Variants in PCMTD1 observed in about 807,000 individuals in gnomAD.
PCMTD1 encodes protein-L-isoaspartate O-methyltransferase domain-containing protein 1.
Under a neutral mutation model 37.6 loss-of-function variants are expected in PCMTD1, and 12 were observed. The ratio of observed to expected loss-of-function variants is 0.32; its 90% CI spans 0.20 to 0.52. The LOEUF (loss-of-function observed/expected upper bound fraction) is 0.52, where lower values mean the gene tolerates loss of function less well. Ranked by LOEUF, PCMTD1 falls within the 20% of genes least tolerant of loss-of-function variation. The pLI, the probability that PCMTD1 is intolerant of heterozygous loss-of-function variation, is 0.97. For synonymous variants in PCMTD1, 117 were observed against 135.8 expected, an observed-to-expected ratio of 0.86 and a Z score of 0.96; for missense variants, 235 against 421.3, an observed-to-expected ratio of 0.56 and a Z score of 3.87.
intron 2 of PCMTD1, among the ~76,000 whole-genome samples, chr8:51,854,037 G>C (rs35098517): frequency 0.06 from 9,199 of 152,196 alleles, 375 homozygotes; most frequent in Non-Finnish European, 0.087. Context: ...GGCTGTATTT[G>C]CTACATAGAC....
intron 2 of PCMTD1, among the ~76,000 whole-genome samples, chr8:51,857,957 G>T (rs186844254): frequency 1.3e-5 from 2 of 152,102 alleles, no homozygotes; most frequent in East Asian, 1.9e-4. Flanking sequence ...GTGTCACCAC[G>T]CTCCAGCCTA....
At chr8:51,839,898 A>C (rs1427425277) in intron 3 of PCMTD1, among the ~76,000 whole-genome samples, 2 of 152,218 alleles carry the variant, frequency 1.3e-5, no homozygotes, top group African/African-American at 4.8e-5. Context: ...GAGTTTTAAG[A>C]GCCATGACTG....
chr8:51,875,410 G>A (rs1301350192), intron 1 of PCMTD1, among the ~76,000 whole-genome samples: 2 of 152,102 alleles, frequency 1.3e-5, no homozygotes, highest in South Asian at 2.1e-4. Context: ...GGTAAGTCAC[G>A]ACACTCAACA....
intron 1 of PCMTD1, among the ~76,000 whole-genome samples, chr8:51,864,250 AAATATATAAAGCAAATACT>A (rs1281726034): frequency 4.6e-5 from 7 of 152,202 alleles, no homozygotes; most frequent in Non-Finnish European, 8.8e-5. Flanking sequence ...TGGAGCACCT[AAATATATAAAGCAAATACT>A]AATAGATCTG....
Position 51,859,583 on chromosome 8 carries a change from C to T in PCMTD1, c.307+1262G>A, listed in dbSNP as rs1404600748. Among the ~76,000 whole-genome samples, 4 of 152,264 alleles carry T rather than the reference C, an allele frequency of 2.6e-5. No individual in the cohort carries two copies. The East Asian group carries it at 5.8e-4, about 22-fold the overall frequency. ...CATGACTAATAGAGTAAGGAATTAG[C>T]TAGTGTGTAGGGAGGAAATTTCAGA... On this transcript the variant is annotated intron_variant, in intron 2 of 5. Coordinates refer to ENST00000522514, the MANE Select transcript of PCMTD1 (RefSeq NM_052937.4).
At chr8:51,894,206 T>C (rs2038971218) in intron 1 of PCMTD1, among the ~76,000 whole-genome samples, 1 of 152,100 alleles carries the variant, frequency 6.6e-6, no homozygotes, top group Non-Finnish European at 1.5e-5. Context: ...TGGAAATGCA[T>C]AAGAAATCAA....
At chr8:51,826,461 G>A (rs2037922734) in intron 5 of PCMTD1, among the ~76,000 whole-genome samples, 2 of 152,072 alleles carry the variant, frequency 1.3e-5, no homozygotes, top group South Asian at 4.2e-4. Context: ...CATGGCACAT[G>A]TATACCTATG....
In PCMTD1 at chr8:51,833,644, C is replaced by G. The variant is rs772625227; in HGVS notation, c.456G>C (p.Gln152His). The change falls in exon 4 of 6, where the codon CAG (glutamine) becomes CAC (histidine). Residue 152 changes from glutamine (Q) to histidine (H), a missense_variant. By Grantham distance (24) the Gln-to-His change is conservative. Around this residue, in one of 3 missense-constraint regions of PCMTD1, gnomAD observed 183 missense variants for 349.3 expected, o/e 0.52. Transcript: ENST00000522514. ...EPAFVVGNCL[Q>H]IASDSHQYDR... The stretch of plus-strand genomic sequence containing the variant: ...CATACTGATGACTGTCAGAAGCTAT[C>G]TGGAGGCAATTACCAACAACAAATG... The G allele has an allele frequency of 6.2e-7, 1 of 1,611,790 alleles. No homozygotes were observed. The highest frequency in any genetic ancestry group is 8.5e-7 in the Non-Finnish European group (1 of 1,179,580).
At chr8:51,862,086 T>C (rs1047748510) in intron 1 of PCMTD1, among the ~76,000 whole-genome samples, 2 of 152,302 alleles carry the variant, frequency 1.3e-5, no homozygotes, top group East Asian at 1.9e-4. Flanking sequence ...CAGTATAGTA[T>C]AGATTAATTT....
In PCMTD1 at chr8:51,825,466, G is replaced by A. The variant is rs1257982818; in HGVS notation, c.707-4748C>T. 4.5e-4 allele frequency among the ~76,000 whole-genome samples: 20 copies of A among 44,694 alleles called. 9 individuals are homozygous for A. Among genetic ancestry groups the A allele is most frequent in the Non-Finnish European group, 1.6e-3 (10 of 6,294 alleles). The allele number at this position is 44,694 out of a possible 152,430, so 29.3% of individuals were successfully genotyped here. Reference sequence around the variant, plus strand: ...TCCCAGCACTTTGGGAGGCCGAGGCGGGTGGATCATGAGGTCAGGAGATCG... The same window carrying A: ...TCCCAGCACTTTGGGAGGCCGAGGCAGGTGGATCATGAGGTCAGGAGATCG... On this transcript the variant is annotated intron_variant, in intron 5 of 5. Transcript: ENST00000522514.
In PCMTD1 at chr8:51,831,373, C is replaced by T; in HGVS notation, c.706+71G>A. 1.8e-5 allele frequency: 26 copies of T among 1,437,922 alleles called. No individual in the cohort carries two copies. In the South Asian group the frequency reaches 3.3e-4, roughly 18 times the overall value. The allele number at this position is 1,437,922 out of a possible 1,614,324, so 89.1% of individuals were successfully genotyped here. On this transcript the variant is annotated intron_variant, in intron 5 of 5. Coordinates refer to ENST00000522514, the MANE Select transcript of PCMTD1 (RefSeq NM_052937.4). ...ATTTAATTCTTCATAATTACATAGTCTTAAATCCCAAGCATAAAAGCCAAA... is the reference window on the plus strand; with the variant it reads ...ATTTAATTCTTCATAATTACATAGTTTTAAATCCCAAGCATAAAAGCCAAA...
At chr8:51,868,922 G>T (rs529250782) in intron 1 of PCMTD1, among the ~76,000 whole-genome samples, 30 of 152,070 alleles carry the variant, frequency 2.0e-4, no homozygotes, top group African/African-American at 7.0e-4. Context: ...TATATACTTC[G>T]TTTTTTTAAA....
intron 5 of PCMTD1, among the ~76,000 whole-genome samples, chr8:51,828,691 C>T (rs1050956138): frequency 1.3e-5 from 2 of 152,132 alleles, no homozygotes; most frequent in Non-Finnish European, 2.9e-5. Context: ...GTTTATCTGG[C>T]CATAGTTCCA....
Position 51,867,476 on chromosome 8 carries a change from GGTGTGTGT to G in PCMTD1, c.-95-6238_-95-6231del, listed in dbSNP as rs59206546. 7.0e-3 allele frequency among the ~76,000 whole-genome samples: 990 copies of G among 141,574 alleles called. 10 individuals are homozygous for G. The highest frequency in any genetic ancestry group is 0.019 in the African/African-American group (725 of 37,694). The allele number at this position is 141,574 out of a possible 152,430, so 92.9% of individuals were successfully genotyped here. A position where few individuals can be genotyped will look rare whatever the true frequency, so the allele number is the denominator to read the frequency against. On this transcript the variant is annotated intron_variant, in intron 1 of 5. Transcript: ENST00000522514. ...CATCAGAGGAATGGGTAAAGAAAAT[GGTGTGTGT>G]GTGTGTGTGTGTGTGTGTGTGTGTG...
At chr8:51,845,462 T>C in intron 3 of PCMTD1, 199 bp downstream of exon 3, 1 of 408,194 alleles carries the variant, frequency 2.4e-6, no homozygotes, top group East Asian at 3.7e-5. Flanking sequence ...AAAAATCACA[T>C]TATTTATAAT....
At chr8:51,824,387 TCCTATA>T (rs1404478974) in intron 5 of PCMTD1, among the ~76,000 whole-genome samples, 6 of 152,174 alleles carry the variant, frequency 3.9e-5, no homozygotes, top group African/African-American at 1.4e-4. Flanking sequence ...TCACTAGCAT[TCCTATA>T]CATCAATAAC....
intron 2 of PCMTD1, 55 bp from the exon 3 acceptor site, chr8:51,845,818 C>A: frequency 7.9e-7 from 1 of 1,271,616 alleles, no homozygotes; most frequent in South Asian, 1.3e-5. Flanking sequence ...CCTTACAGAG[C>A]TCTTTTTTAA....
Position 51,817,737 on chromosome 8 carries a change from C to T in PCMTD1, c.*2614G>A, listed in dbSNP as rs1319120427. 2 of 384,590 alleles carry T rather than the reference C, an allele frequency of 5.2e-6. No individual in the cohort carries two copies. Among genetic ancestry groups the T allele is most frequent in the East Asian group, 1.6e-4 (2 of 12,574 alleles). The allele number at this position is 384,590 out of a possible 1,614,324, so 23.8% of individuals were successfully genotyped here. ...TGTATGCTATTTTAATAACATTTTT[C>T]TTTATTAATACTAGAACCAAATATA... On this transcript the variant is annotated 3_prime_UTR_variant, in exon 6 of 6. Coordinates refer to ENST00000522514, the MANE Select transcript of PCMTD1 (RefSeq NM_052937.4).
chr8:51,830,453 T>C (rs2037982097), intron 5 of PCMTD1, among the ~76,000 whole-genome samples: 1 of 152,220 alleles, frequency 6.6e-6, no homozygotes, highest in Non-Finnish European at 1.5e-5. Context: ...CAGTAAATAA[T>C]GCCAGCACTC....
Sources: gnomAD v4.1 joint callset for allele counts (sites outside exome capture counted in the v4.1 genomes callset) on GRCh38, gnomAD v4.1.1 for gene constraint, gnomAD v4.1.1 regional missense constraint, MANE v1.5 for transcripts, NCBI Gene and HGNC (gene_info 2026-07-23, HGNC 2026-07-21) for gene names.